Variants in KIF6 observed in about 807,000 individuals in gnomAD.
KIF6 encodes kinesin-like protein KIF6.
Under a neutral mutation model 112.7 loss-of-function variants are expected in KIF6, and 106 were observed. The observed-to-expected ratio is 0.94, with a 90% CI of 0.80 to 1.11. The LOEUF is 1.11. Ranked by LOEUF, KIF6 falls within the 50% of genes least tolerant of loss-of-function variation. The pLI is 0.00. For missense variants in KIF6, 929 were observed against 964.0 expected, an observed-to-expected ratio of 0.96 and a Z score of 0.48; for synonymous variants, 339 against 339.9, an observed-to-expected ratio of 1.00 and a Z score of 0.03.
At chr6:39,556,048 A>G (rs1338992147) in intron 10 of KIF6, among the ~76,000 whole-genome samples, 7 of 152,130 alleles carry the variant, frequency 4.6e-5, no homozygotes, top group Non-Finnish European at 1.0e-4. Flanking sequence ...GGAAATTGTA[A>G]TATTTGTACA....
intron 2 of KIF6, among the ~76,000 whole-genome samples, chr6:39,717,080 C>G (rs554728144): frequency 1.3e-5 from 2 of 152,146 alleles, no homozygotes; most frequent in Non-Finnish European, 2.9e-5. Context: ...GTCTTTTCCC[C>G]CTTCCAGCCT....
At chr6:39,580,321 T>A (rs1269915670) in intron 9 of KIF6, among the ~76,000 whole-genome samples, 1 of 152,108 alleles carries the variant, frequency 6.6e-6, no homozygotes, top group Non-Finnish European at 1.5e-5. Context: ...AGGCAACTCA[T>A]TTTTATGTAT....
chr6:39,444,211 G>C (rs1271380249), intron 13 of KIF6, among the ~76,000 whole-genome samples: 1 of 152,072 alleles, frequency 6.6e-6, no homozygotes, highest in East Asian at 1.9e-4. Flanking sequence ...CTATACCCTA[G>C]GTTTGTCTGA....
intron 5 of KIF6, chr6:39,617,796 G>T (rs1027584708): frequency 2.2e-6 from 1 of 452,528 alleles, no homozygotes; most frequent in African/African-American, 2.0e-5. Flanking sequence ...AAGAGCAGGT[G>T]GGCCTCATGA....
chr6:39,520,372 G>A (rs537363729), intron 13 of KIF6, among the ~76,000 whole-genome samples: 83 of 152,262 alleles, frequency 5.5e-4, no homozygotes, highest in African/African-American at 1.9e-3. Flanking sequence ...AATAAAGCTG[G>A]CAGCTCCAAC....
At chr6:39,494,846 A>C (rs949695066) in intron 13 of KIF6, among the ~76,000 whole-genome samples, 1 of 152,168 alleles carries the variant, frequency 6.6e-6, no homozygotes, top group Non-Finnish European at 1.5e-5. Flanking sequence ...AAAGTGTACA[A>C]ATGTGGTGAA....
In KIF6 at chr6:39,330,132, G is replaced by C. The variant is rs1302649792; in HGVS notation, c.*6400C>G. The C allele has an allele frequency of 6.6e-6, 1 of 152,208 alleles. No homozygotes were observed. The highest frequency in any genetic ancestry group is 1.5e-5 in the Non-Finnish European group (1 of 68,046). 9.4% of individuals were successfully genotyped at this position (152,208 alleles called of 1,614,324 possible). The stretch of plus-strand genomic sequence containing the variant: ...GTGCCATAAAAGAAATGCCACACCA[G>C]CCAGCGGGAATGATCTCCTCATCAG... On this transcript the variant is annotated 3_prime_UTR_variant, in exon 23 of 23. Coordinates refer to ENST00000287152, the MANE Select transcript of KIF6 (RefSeq NM_145027.6).
At chr6:39,398,342 T>C (rs1159031827) in intron 15 of KIF6, among the ~76,000 whole-genome samples, 1 of 152,196 alleles carries the variant, frequency 6.6e-6, no homozygotes, top group Non-Finnish European at 1.5e-5. Context: ...CTAATCCTCA[T>C]CGAAGCAGAA....
chr6:39,551,944 G>A (rs888697129), intron 10 of KIF6, among the ~76,000 whole-genome samples: 7 of 152,170 alleles, frequency 4.6e-5, no homozygotes, highest in African/African-American at 1.7e-4. Context: ...TTTGCTATTC[G>A]ACTGGACCAA....
intron 16 of KIF6, among the ~76,000 whole-genome samples, chr6:39,369,029 G>A (rs1765772395): frequency 6.6e-6 from 1 of 152,204 alleles, no homozygotes; most frequent in South Asian, 2.1e-4. Context: ...CCTCCTTGGG[G>A]CTCAGCTGTC....
At chr6:39,355,466 T>TC (rs1268493766) in intron 19 of KIF6, among the ~76,000 whole-genome samples, 1 of 144,524 alleles carries the variant, frequency 6.9e-6, no homozygotes, top group Non-Finnish European at 1.5e-5. Flanking sequence ...AGTCTTTTTT[T>TC]TTTTTTTTTT....
intron 15 of KIF6, among the ~76,000 whole-genome samples, chr6:39,386,127 T>G (rs944030654): frequency 3.9e-5 from 6 of 152,212 alleles, no homozygotes; most frequent in African/African-American, 1.2e-4. Flanking sequence ...ATAACCCTAA[T>G]AGTTGGTCAT....
At chr6:39,588,041 T>C (rs887581980) in intron 7 of KIF6, among the ~76,000 whole-genome samples, 15 of 152,198 alleles carry the variant, frequency 9.9e-5, no homozygotes, top group African/African-American at 3.6e-4. Context: ...GACACTACAC[T>C]TTCCTGGTTT....
chr6:39,426,556 C>A (rs535071944), intron 14 of KIF6, among the ~76,000 whole-genome samples: 1 of 152,252 alleles, frequency 6.6e-6, no homozygotes, highest in East Asian at 1.9e-4. Flanking sequence ...GAGTTCTAGA[C>A]CACCTTTGGC....
intron 5 of KIF6, among the ~76,000 whole-genome samples, chr6:39,616,239 C>A (rs1374749639): frequency 6.6e-6 from 1 of 152,182 alleles, no homozygotes; most frequent in Admixed American, 6.5e-5. Context: ...AGCCTTTGAT[C>A]TCCAATGTAG....
intron 13 of KIF6, among the ~76,000 whole-genome samples, chr6:39,472,455 A>C (rs1202186393): frequency 6.6e-6 from 1 of 152,174 alleles, no homozygotes; most frequent in African/African-American, 2.4e-5. Context: ...TTGTATTATC[A>C]GGGAACTAAG....
intron 3 of KIF6, among the ~76,000 whole-genome samples, chr6:39,665,043 G>A (rs1561910406): frequency 2.6e-5 from 4 of 152,106 alleles, no homozygotes. Context: ...ATGAGCATAT[G>A]AGCTGTATTC....
In KIF6 at chr6:39,485,507, AT is replaced by A. The variant is rs1376663341; in HGVS notation, c.1646-54347del. ...GGGACTGCATCTTCATCTAACTTTG[AT>A]CCCCAGCACTTAGAACAGGGCTTGA... On this transcript the variant is annotated intron_variant, in intron 13 of 22. Coordinates refer to ENST00000287152, the MANE Select transcript of KIF6 (RefSeq NM_145027.6). 2.0e-5 allele frequency among the ~76,000 whole-genome samples: 3 copies of A among 152,102 alleles called. No individual in the cohort carries two copies. The East Asian group carries it at 5.8e-4, about 29-fold the overall frequency.
At chr6:39,532,273 G>A (rs1300116296) in intron 13 of KIF6, among the ~76,000 whole-genome samples, 1 of 152,130 alleles carries the variant, frequency 6.6e-6, no homozygotes, top group Non-Finnish European at 1.5e-5. Flanking sequence ...GATTAAATGA[G>A]TTAATCCAGG....
Sources: gnomAD v4.1 joint callset for allele counts (sites outside exome capture counted in the v4.1 genomes callset) on GRCh38, gnomAD v4.1.1 for gene constraint, MANE v1.5 for transcripts, NCBI Gene and HGNC (gene_info 2026-07-23, HGNC 2026-07-21) for gene names.